CSMD1: variants seen among roughly 807,000 people sequenced by gnomAD.
The protein encoded by CSMD1 is CUB and Sushi multiple domains 1.
CSMD1 carries 213 observed loss-of-function variants against 417.5 expected under a neutral mutation model. That is an observed-to-expected ratio of 0.51 (90% CI 0.46 to 0.57). CSMD1 has a LOEUF of 0.57. CSMD1 is among the 20% of genes least tolerant of loss of function. The probability of loss-of-function intolerance (pLI) is 0.00; values close to 1 mark genes in which losing one functional copy is unlikely to be tolerated. For synonymous variants in CSMD1, 2,862 were observed against 1,736.8 expected (o/e 1.65, Z -16.11); for missense variants, 6,923 against 4,529.7 (o/e 1.53, Z -15.17).
intron 54 of CSMD1, among the ~76,000 whole-genome samples, chr8:2,988,720 T>C (rs1806136303): frequency 6.6e-6 from 1 of 152,238 alleles, no homozygotes; most frequent in African/African-American, 2.4e-5. Flanking sequence ...TTTAATCTTA[T>C]ATGCAAAGAT....
intron 1 of CSMD1, among the ~76,000 whole-genome samples, chr8:4,725,072 T>C (rs1358929028): frequency 6.6e-6 from 1 of 152,194 alleles, no homozygotes; most frequent in Non-Finnish European, 1.5e-5. Context: ...GTGTGACTTT[T>C]GCCATTTGCG....
intron 11 of CSMD1, among the ~76,000 whole-genome samples, chr8:3,477,536 T>A (rs1489582246): frequency 2.0e-5 from 3 of 152,196 alleles, no homozygotes; most frequent in Non-Finnish European, 2.9e-5. Flanking sequence ...TTCAGGCACC[T>A]GGGTACCTGG....
intron 7 of CSMD1, among the ~76,000 whole-genome samples, chr8:3,640,276 C>T (rs968102439): frequency 2.0e-5 from 3 of 152,092 alleles, no homozygotes; most frequent in Non-Finnish European, 2.9e-5. Flanking sequence ...AGGTAATGAG[C>T]CTGTTTTGGA....
Position 2,935,654 on chromosome 8 carries a change from T to C in CSMD1, c.*2931A>G, listed in dbSNP as rs1021842007. 1 of 152,212 alleles carries C rather than the reference T, an allele frequency of 6.6e-6. No homozygotes were observed. The highest frequency in any genetic ancestry group is 1.5e-5 in the Non-Finnish European group (1 of 68,044). The allele number at this position is 152,212 out of a possible 1,614,324, so 9.4% of individuals were successfully genotyped here. A position where few individuals can be genotyped will look rare whatever the true frequency, so the allele number is the denominator to read the frequency against. On this transcript the variant is annotated 3_prime_UTR_variant, in exon 70 of 70. Transcript: ENST00000635120. ...GCATATTTAATAATTTTACAAATTCTTCATAAAAAATATATCTCTGTACAA... is the reference window on the plus strand; with the variant it reads ...GCATATTTAATAATTTTACAAATTCCTCATAAAAAATATATCTCTGTACAA...
rs572617962 is a variant in CSMD1, at chr8:3,562,801, G to C, written c.1344+12144C>G. 7.8e-4 allele frequency among the ~76,000 whole-genome samples: 118 copies of C among 151,998 alleles called. 1 individual carries two copies. The highest frequency in any genetic ancestry group is 2.7e-3 in the African/African-American group (110 of 41,458). ...AGGGTGGGAGGGGGAAGAGGATCGA[G>C]AAAAACAACTAAGGCGCACTAGGCT... On this transcript the variant is annotated intron_variant, in intron 10 of 69. Coordinates refer to ENST00000635120, the MANE Select transcript of CSMD1 (RefSeq NM_033225.6).
chr8:4,629,900 G>C lies in CSMD1; in HGVS notation c.302+7442C>G, dbSNP rs140384345. Among the ~76,000 whole-genome samples, 286 of 152,134 alleles carry C rather than the reference G, an allele frequency of 1.9e-3. 1 individual carries two copies. Among genetic ancestry groups the C allele is most frequent in the African/African-American group, 6.4e-3 (267 of 41,512 alleles). On this transcript the variant is annotated intron_variant, in intron 2 of 69. Transcript: ENST00000635120. ...GTGTAAATCTGAATGCTTTTCCTTA[G>C]GCTTTAACTTTCTAAGAGGAATATC...
At chr8:4,663,523 T>C (rs943925527) in intron 1 of CSMD1, among the ~76,000 whole-genome samples, 3 of 152,270 alleles carry the variant, frequency 2.0e-5, no homozygotes, top group South Asian at 2.1e-4. Context: ...GTTGTCCTGA[T>C]AGTGCATGCT....
intron 1 of CSMD1, among the ~76,000 whole-genome samples, chr8:4,774,773 T>C (rs1473981417): frequency 6.6e-6 from 1 of 152,150 alleles, no homozygotes; most frequent in Non-Finnish European, 1.5e-5. Flanking sequence ...CCTTGTTGTT[T>C]AAAAGCCTGT....
intron 2 of CSMD1, among the ~76,000 whole-genome samples, chr8:4,488,489 G>A (rs1322476612): frequency 6.6e-6 from 1 of 152,130 alleles, no homozygotes; most frequent in Non-Finnish European, 1.5e-5. Context: ...AGTGGTGACA[G>A]TAGTCACCCT....
chr8:4,883,356 A>T, intron 1 of CSMD1, among the ~76,000 whole-genome samples: 1 of 152,206 alleles, frequency 6.6e-6, no homozygotes, highest in East Asian at 1.9e-4. Flanking sequence ...CATATCATAA[A>T]ATTTACCATT....
intron 2 of CSMD1, among the ~76,000 whole-genome samples, chr8:4,628,113 CTG>C (rs577349030): frequency 8.1e-6 from 1 of 123,998 alleles, no homozygotes; most frequent in African/African-American, 2.7e-5. Flanking sequence ...ATATATACTT[CTG>C]TGTGTGTGTA....
Position 3,286,365 on chromosome 8 carries a change from T to C in CSMD1, c.3951-2019A>G, listed in dbSNP as rs557470813. 2.7e-4 allele frequency among the ~76,000 whole-genome samples: 41 copies of C among 152,300 alleles called. 1 individual carries two copies. The South Asian group carries it at 8.3e-3, about 31-fold the overall frequency. ...CCAGTAATGGGATGGCTGGGTCAAA[T>C]GGTATTTCCAGTTCTAGATCCCTGA... On this transcript the variant is annotated intron_variant, in intron 25 of 69. Coordinates refer to ENST00000635120, the MANE Select transcript of CSMD1 (RefSeq NM_033225.6).
At chr8:3,317,564 A>G (rs540738019) in intron 23 of CSMD1, among the ~76,000 whole-genome samples, 2 of 152,316 alleles carry the variant, frequency 1.3e-5, no homozygotes, top group South Asian at 4.1e-4. Context: ...TTAAAAAATA[A>G]AAAGCCCAGA....
intron 23 of CSMD1, among the ~76,000 whole-genome samples, chr8:3,315,546 C>G (rs1274928685): frequency 1.3e-5 from 2 of 151,846 alleles, no homozygotes; most frequent in Admixed American, 6.6e-5. Flanking sequence ...TTGTTAGCTA[C>G]TATTTTCATT....
chr8:4,687,352 T>A (rs1405707517), intron 1 of CSMD1, among the ~76,000 whole-genome samples: 1 of 152,144 alleles, frequency 6.6e-6, no homozygotes, highest in Non-Finnish European at 1.5e-5. Context: ...CGAACAGGAC[T>A]AAAGTACATT....
intron 7 of CSMD1, among the ~76,000 whole-genome samples, chr8:3,655,837 A>C (rs1246267837): frequency 1.3e-5 from 2 of 152,112 alleles, no homozygotes; most frequent in Non-Finnish European, 1.5e-5. Flanking sequence ...TGATGCAAAG[A>C]CTAGTTGACG....
At chr8:4,152,059 T>C (rs772231137) in intron 3 of CSMD1, among the ~76,000 whole-genome samples, 2 of 152,182 alleles carry the variant, frequency 1.3e-5, no homozygotes, top group African/African-American at 2.4e-5. Context: ...CTTTAATTTT[T>C]TTCCCTTTAT....
chr8:3,188,942 C>A lies in CSMD1; in HGVS notation c.5468G>T (p.Gly1823Val). 6.2e-7 allele frequency: 1 copy of A among 1,611,864 alleles called. No individual in the cohort carries two copies. The change falls in exon 35 of 70, where the codon GGA becomes GTA. Residue 1823 changes from glycine (G) to valine (V), a missense_variant. Transcript: ENST00000635120. ...CTTCCATATACAGTTCAAGTTGTTT[C>A]CGTATGGCTCAGGGTAGCCGGGGGA... ...ILSPGYPEPY[G>V]NNLNCIWKII... is the part of the protein sequence containing the mutation.
intron 1 of CSMD1, among the ~76,000 whole-genome samples, chr8:4,987,287 C>T (rs1255859307): frequency 6.6e-6 from 1 of 152,148 alleles, no homozygotes; most frequent in Non-Finnish European, 1.5e-5. Context: ...ACAAAGTTTA[C>T]ATAGAGTGTT....
Sources: allele counts gnomAD v4.1 joint callset (sites outside exome capture counted in the v4.1 genomes callset), GRCh38; gene constraint gnomAD v4.1.1; transcripts MANE v1.5; gene names NCBI Gene and HGNC (gene_info 2026-07-23, HGNC 2026-07-21).